The following RCSD1 variants were observed in gnomAD, a reference collection of about 807,000 sequenced individuals.
RCSD1 encodes the protein RCSD domain containing 1.
In RCSD1, 26 loss-of-function variants were observed where a neutral mutation model predicts 42.5. That is an observed-to-expected ratio of 0.61 (90% CI 0.45 to 0.85). The LOEUF is 0.85. Ranked by LOEUF, RCSD1 falls within the 40% of genes least tolerant of loss-of-function variation. The pLI is 0.00. For synonymous variants in RCSD1, 220 were observed against 212.2 expected (o/e 1.04, Z -0.32); for missense variants, 571 against 528.3 (o/e 1.08, Z -0.79).
In RCSD1 at chr1:167,672,889, C is replaced by T. The variant is rs76205652; in HGVS notation, c.7-11011C>T. On this transcript the variant is annotated intron_variant, in intron 1 of 6. Transcript: ENST00000367854. ...TCCAGAGGTATAGACCATGCTCATC[C>T]TGTCCTTCTCTGTGTATGTCTCATC... is the stretch of plus-strand genomic sequence containing the variant. Among the ~76,000 whole-genome samples the T allele has an allele frequency of 9.1e-3, 1,386 of 152,302 alleles. 23 individuals carry two copies. The highest frequency in any genetic ancestry group is 0.032 in the African/African-American group (1,338 of 41,556).
At chr1:167,699,539 G>A (rs1659590514) in intron 6 of RCSD1, among the ~76,000 whole-genome samples, 2 of 152,186 alleles carry the variant, frequency 1.3e-5, no homozygotes, top group Middle Eastern at 3.4e-3. Context: ...GTTACTGTGT[G>A]TCTCATAGTC....
chr1:167,637,600 A>G (rs1487766286), intron 1 of RCSD1, among the ~76,000 whole-genome samples: 2 of 152,292 alleles, frequency 1.3e-5, no homozygotes, highest in South Asian at 2.1e-4. Flanking sequence ...GCCTGCCCCA[A>G]AGGCTCCTGC....
At chr1:167,696,739 A>C (rs748834236) in intron 5 of RCSD1, among the ~76,000 whole-genome samples, 3 of 152,206 alleles carry the variant, frequency 2.0e-5, no homozygotes, top group Non-Finnish European at 4.4e-5. Context: ...TGTGTGAGCC[A>C]CCATGCCCGG....
At chr1:167,676,673 C>T (rs1436924589) in intron 1 of RCSD1, among the ~76,000 whole-genome samples, 2 of 152,232 alleles carry the variant, frequency 1.3e-5, no homozygotes, top group African/African-American at 2.4e-5. Flanking sequence ...ACATCTCCCT[C>T]TTCTCTATGG....
At chr1:167,667,596 T>C (rs1276842988) in intron 1 of RCSD1, among the ~76,000 whole-genome samples, 2 of 152,228 alleles carry the variant, frequency 1.3e-5, no homozygotes, top group African/African-American at 2.4e-5. Context: ...GGAATTATAA[T>C]AGATTTCATA....
intron 1 of RCSD1, among the ~76,000 whole-genome samples, chr1:167,682,868 A>G (rs1438898548): frequency 6.6e-6 from 1 of 152,192 alleles, no homozygotes; most frequent in Non-Finnish European, 1.5e-5. Flanking sequence ...GGGAGTTCGA[A>G]GTCTGTGTAA....
At chr1:167,685,549 G>A in intron 3 of RCSD1, 39 bp downstream of exon 3, 2 of 1,558,958 alleles carry the variant, frequency 1.3e-6, no homozygotes, top group Non-Finnish European at 1.8e-6. Flanking sequence ...TGCTGTGATG[G>A]GTTTTCTTTC....
chr1:167,671,902 C>G (rs1162476740), intron 1 of RCSD1, among the ~76,000 whole-genome samples: 1 of 152,204 alleles, frequency 6.6e-6, no homozygotes, highest in African/African-American at 2.4e-5. Flanking sequence ...AACTCCTCAA[C>G]TGTGCAGCTC....
intron 1 of RCSD1, among the ~76,000 whole-genome samples, chr1:167,660,653 G>A (rs938474525): frequency 3.3e-5 from 5 of 152,002 alleles, no homozygotes; most frequent in African/African-American, 9.7e-5. Context: ...CTCTATTTTT[G>A]TGTAGCAATG....
intron 1 of RCSD1, among the ~76,000 whole-genome samples, chr1:167,654,022 C>T (rs933464717): frequency 6.6e-6 from 1 of 152,178 alleles, no homozygotes; most frequent in African/African-American, 2.4e-5. Context: ...CTCTGAGCTC[C>T]AATTCCACCT....
chr1:167,696,368 G>A (rs1381703264), intron 5 of RCSD1, among the ~76,000 whole-genome samples: 1 of 151,822 alleles, frequency 6.6e-6, no homozygotes, highest in Non-Finnish European at 1.5e-5. Context: ...TATTCAATAT[G>A]TCAATTTATG....
intron 6 of RCSD1, among the ~76,000 whole-genome samples, chr1:167,701,061 G>A (rs772371926): frequency 3.9e-5 from 6 of 152,104 alleles, no homozygotes; most frequent in South Asian, 2.1e-4. Flanking sequence ...TGCCACTTCC[G>A]TATTCCCAAC....
intron 1 of RCSD1, among the ~76,000 whole-genome samples, chr1:167,672,129 G>A (rs1361583104): frequency 6.6e-6 from 1 of 152,168 alleles, no homozygotes; most frequent in Non-Finnish European, 1.5e-5. Context: ...CCCTTGCAGA[G>A]GTGGAGGCTG....
At chr1:167,635,236 C>G (rs878936002) in intron 1 of RCSD1, among the ~76,000 whole-genome samples, 2 of 152,064 alleles carry the variant, frequency 1.3e-5, no homozygotes, top group Admixed American at 1.3e-4. Context: ...GCTGATGGGC[C>G]GTAATTAGGA....
At chr1:167,668,211 G>A (rs1044856078) in intron 1 of RCSD1, among the ~76,000 whole-genome samples, 2 of 151,924 alleles carry the variant, frequency 1.3e-5, no homozygotes, top group Non-Finnish European at 2.9e-5. Context: ...CTTGAACCTG[G>A]CAGGCGGAGG....
chr1:167,698,788 GT>G (rs1659563654), intron 6 of RCSD1, among the ~76,000 whole-genome samples: 1 of 150,816 alleles, frequency 6.6e-6, no homozygotes, highest in Non-Finnish European at 1.5e-5. Context: ...TTGTTTGTTT[GT>G]TTTTTGTTTT....
At chr1:167,701,275 T>TCTTTCTTTCTTTCTTTCTTTCTTC (rs1659633300) in intron 6 of RCSD1, among the ~76,000 whole-genome samples, 1 of 142,804 alleles carries the variant, frequency 7.0e-6, no homozygotes, top group African/African-American at 2.6e-5. Flanking sequence ...TTTCTTTCTT[T>TCTTTCTTTCTTTCTTTCTTTCTTC]CTTTCTTTCT....
chr1:167,699,134 T>C (rs562466887), intron 6 of RCSD1, among the ~76,000 whole-genome samples: 14 of 152,164 alleles, frequency 9.2e-5, no homozygotes, highest in Non-Finnish European at 1.6e-4. Flanking sequence ...CACTTTTTTT[T>C]CCCCCTGCGT....
intron 1 of RCSD1, chr1:167,665,089 C>T (rs1658624879): frequency 6.6e-6 from 1 of 151,874 alleles, no homozygotes; most frequent in Non-Finnish European, 1.5e-5. Context: ...TTCTATCACC[C>T]CAAAAGACCC....
Sources: allele counts gnomAD v4.1 joint callset (sites outside exome capture counted in the v4.1 genomes callset), GRCh38; gene constraint gnomAD v4.1.1; transcripts MANE v1.5; gene names NCBI Gene and HGNC (gene_info 2026-07-23, HGNC 2026-07-21).